TEX9: variants seen among roughly 807,000 people sequenced by gnomAD.
TEX9 encodes testis expressed 9, also known as testis-expressed protein 9.
Under a neutral mutation model 59.6 loss-of-function variants are expected in TEX9, and 74 were observed. The ratio of observed to expected loss-of-function variants is 1.24; its 90% confidence interval spans 1.03 to 1.51. The LOEUF is 1.51. TEX9 is among the 40% of genes most tolerant of loss of function. The pLI is 0.00. For missense variants in TEX9, 522 were observed against 447.8 expected, an observed-to-expected ratio of 1.17 and a Z score of -1.49; for synonymous variants, 186 against 152.2, an observed-to-expected ratio of 1.22 and a Z score of -1.64.
intron 12 of TEX9, chr15:56,429,823 G>A (rs900975227): frequency 2.0e-5 from 3 of 152,098 alleles, no homozygotes; most frequent in Non-Finnish European, 4.4e-5. Context: ...AGGACCTAAA[G>A]GATAAAGGTC....
intron 9 of TEX9, among the ~76,000 whole-genome samples, chr15:56,410,889 C>G (rs1379366540): frequency 6.6e-6 from 1 of 152,210 alleles, no homozygotes; most frequent in Non-Finnish European, 1.5e-5. Context: ...CTTCCTGTAG[C>G]TACCACCCAC....
intron 1 of TEX9, among the ~76,000 whole-genome samples, chr15:56,322,153 G>T (rs909919281): frequency 6.6e-6 from 1 of 152,082 alleles, no homozygotes; most frequent in Non-Finnish European, 1.5e-5. Context: ...AGCAGAAAAG[G>T]AGTGGAAATG....
chr15:56,293,632 G>T (rs2045150404), intron 1 of TEX9, among the ~76,000 whole-genome samples: 1 of 152,200 alleles, frequency 6.6e-6, no homozygotes, highest in Admixed American at 6.5e-5. Flanking sequence ...CAGGGTATCA[G>T]TTTTGCCTCC....
chr15:56,252,641 A>G (rs896246628), intron 1 of TEX9, among the ~76,000 whole-genome samples: 1 of 152,130 alleles, frequency 6.6e-6, no homozygotes, highest in East Asian at 1.9e-4. Flanking sequence ...TTTTAAGGAA[A>G]AGAGTCTGCT....
Position 56,383,961 on chromosome 15 carries a change from C to T in TEX9, c.193C>T (p.Gln65Ter), listed in dbSNP as rs1352838015. 2 of 1,610,104 alleles carry T rather than the reference C, an allele frequency of 1.2e-6. No homozygotes were observed. The highest frequency in any genetic ancestry group is 8.5e-7 in the Non-Finnish European group (1 of 1,178,178). The change falls in exon 4 of 13, where the codon CAA becomes TAA. Residue 65 changes from glutamine to a stop codon, truncating the protein, a stop_gained. Transcript: ENST00000352903. LOFTEE classifies it high-confidence loss of function. ...TCTTTACTCATTTAAGAGAGATCGG[C>T]AAGAAGTACGATCTAGGCCTGTTTC...
intron 9 of TEX9, among the ~76,000 whole-genome samples, chr15:56,411,012 C>T (rs1567132195): frequency 6.6e-6 from 1 of 152,170 alleles, no homozygotes; most frequent in Admixed American, 6.5e-5. Context: ...CTTAATTACT[C>T]AGAGCCAGGG....
At chr15:56,306,031 GA>G (rs2045474573) in intron 1 of TEX9, among the ~76,000 whole-genome samples, 1 of 151,912 alleles carries the variant, frequency 6.6e-6, no homozygotes, top group South Asian at 2.1e-4. Flanking sequence ...ATGCTCAATA[GA>G]AATGCAAATC....
intron 10 of TEX9, among the ~76,000 whole-genome samples, chr15:56,414,923 A>G (rs1355913165): frequency 6.6e-6 from 1 of 151,804 alleles, no homozygotes; most frequent in Non-Finnish European, 1.5e-5. Flanking sequence ...CTTTTTAGTA[A>G]TAGCCATTCT....
chr15:56,324,571 T>A (rs2045979829), intron 1 of TEX9, among the ~76,000 whole-genome samples: 1 of 152,204 alleles, frequency 6.6e-6, no homozygotes, highest in Admixed American at 6.5e-5. Flanking sequence ...ATTCTACAGA[T>A]GTGGATTATG....
At chr15:56,388,654 A>G in intron 5 of TEX9, 134 bp downstream of exon 5, 1 of 635,470 alleles carries the variant, frequency 1.6e-6, no homozygotes, top group Admixed American at 2.6e-5. Flanking sequence ...ACTCAGAGGG[A>G]TGCATTTGTG....
At chr15:56,394,195 T>C in exon 8 of TEX9, 1 of 1,608,920 alleles carries the variant, frequency 6.2e-7, no homozygotes, top group Non-Finnish European at 8.5e-7. Flanking sequence ...AAGGCCAAAC[T>C]CCATGTTATG....
intron 10 of TEX9, among the ~76,000 whole-genome samples, chr15:56,425,732 A>G (rs559114826): frequency 6.6e-6 from 1 of 152,222 alleles, no homozygotes; most frequent in African/African-American, 2.4e-5. Context: ...ACTTCTGGAT[A>G]TTAATTTTGT....
chr15:56,348,307 T>C (rs1340934822), intron 1 of TEX9, among the ~76,000 whole-genome samples: 1 of 152,060 alleles, frequency 6.6e-6, no homozygotes, highest in African/African-American at 2.4e-5. Context: ...AGTAGTTTGT[T>C]AGGGATGGAA....
intron 3 of TEX9, among the ~76,000 whole-genome samples, chr15:56,381,749 G>A (rs1022572182): frequency 3.9e-5 from 6 of 152,214 alleles, no homozygotes; most frequent in Non-Finnish European, 8.8e-5. Flanking sequence ...AACTAGGGGT[G>A]TGGTGATGCA....
intron 1 of TEX9, among the ~76,000 whole-genome samples, chr15:56,271,904 G>A (rs1342568703): frequency 6.6e-6 from 1 of 152,142 alleles, no homozygotes; most frequent in African/African-American, 2.4e-5. Context: ...ACTTTGGGAG[G>A]CTGAGGCGGG....
intron 1 of TEX9, among the ~76,000 whole-genome samples, chr15:56,255,509 A>G (rs1024125827): frequency 1.3e-5 from 2 of 152,196 alleles, no homozygotes; most frequent in Non-Finnish European, 2.9e-5. Context: ...AAAGACACCT[A>G]AAAAGAAGGT....
chr15:56,446,866 T>C (rs1213219002), downstream of TEX9: 2 of 1,609,372 alleles, frequency 1.2e-6, no homozygotes, highest in Non-Finnish European at 1.7e-6. Flanking sequence ...AATGGCATCC[T>C]TTTCAGCAAT....
chr15:56,276,915 C>T lies in TEX9; in HGVS notation c.-107+32637C>T, dbSNP rs148166372. Among the ~76,000 whole-genome samples, 161 of 152,306 alleles carry T rather than the reference C, an allele frequency of 1.1e-3. 1 individual carries two copies. The highest frequency in any genetic ancestry group is 3.7e-3 in the African/African-American group (154 of 41,554). ...TTTTGATTTGCATTTCTCTAATGAT[C>T]AGTGATGATGAGCCTTTTTTCATGT... On this transcript the variant is annotated intron_variant, in intron 1 of 5. Coordinates refer to the TEX9 transcript ENST00000560827.
intron 1 of TEX9, among the ~76,000 whole-genome samples, chr15:56,331,200 A>G (rs1306476672): frequency 6.6e-6 from 1 of 152,234 alleles, no homozygotes; most frequent in East Asian, 1.9e-4. Flanking sequence ...CAATATAATA[A>G]TAGCTGGGGA....
Sources: gnomAD v4.1 joint callset for allele counts (sites outside exome capture counted in the v4.1 genomes callset) on GRCh38, gnomAD v4.1.1 for gene constraint, MANE v1.5 for transcripts, NCBI Gene and HGNC (gene_info 2026-07-23, HGNC 2026-07-21) for gene names.